NFKBID: variants seen among roughly 807,000 people sequenced by gnomAD.
NFKBID encodes NF-kappa-B inhibitor delta.
Under a neutral mutation model 53.4 loss-of-function variants are expected in NFKBID, and 26 were observed. The observed-to-expected ratio is 0.49, with a 90% confidence interval of 0.36 to 0.68. The LOEUF (loss-of-function observed/expected upper bound fraction) is 0.68. Among genes scored for constraint, NFKBID ranks in the 30% least tolerant of loss-of-function variants. The pLI is 0.00. For missense variants in NFKBID, 493 were observed against 614.1 expected (o/e 0.80, Z 2.08); for synonymous variants, 262 against 259.8 (o/e 1.01, Z -0.08).
chr19:35,897,606 A>G (rs1975270451), intron 4 of NFKBID, 45 bp downstream of exon 4: 1 of 1,000,428 alleles, frequency 1.0e-6, no homozygotes, highest in Non-Finnish European at 1.6e-6. Flanking sequence ...GCAACTGCGA[A>G]TTTTTAGGGG....
Position 35,890,505 on chromosome 19 carries a change from A to G in NFKBID, c.1033-15T>C. The G allele has an allele frequency of 1.3e-6, 2 of 1,577,504 alleles. No homozygotes were observed. The highest frequency in any genetic ancestry group is 2.2e-5 in the South Asian group (2 of 90,370). ...CTCTTGATCTCCTGAGGGGAAGGGA[A>G]TGGCAGAGGTCAGGGCCAGCCTCAC... On this transcript the variant is annotated splice_polypyrimidine_tract_variant and intron_variant, in intron 9 of 11. Transcript: ENST00000641389.
exon 4 of NFKBID, chr19:35,897,783 G>C: frequency 6.2e-7 from 1 of 1,605,780 alleles, no homozygotes; most frequent in Non-Finnish European, 8.5e-7. Context: ...GCGTGTTGGG[G>C]TCCCAGTCTG....
rs1347921732 is a variant in NFKBID at position 35,896,638 on chromosome 19, C to G, written c.684+88G>C. 2 of 1,525,442 alleles carry G rather than the reference C, an allele frequency of 1.3e-6. No homozygotes were observed. Among genetic ancestry groups the G allele is most frequent in the South Asian group, 1.1e-5 (1 of 87,998 alleles). The allele number at this position is 1,525,442 out of a possible 1,614,324, so 94.5% of individuals were successfully genotyped here. A position where few individuals can be genotyped will look rare whatever the true frequency, so the allele number is the denominator to read the frequency against. ...CCCCTCAGCCCCAGGAGCTCACCCC[C>G]CATTCCCCTCTTCTCTAGGATCCAG... is the stretch of plus-strand genomic sequence containing the variant. On this transcript the variant is annotated intron_variant, in intron 6 of 11. Coordinates refer to ENST00000641389, the Ensembl canonical transcript of NFKBID. This position sits in a 1 kb window ranked among gnomAD's most constrained non-coding sequence, Gnocchi z 5.7.
chr19:35,896,622 C>A lies in NFKBID; in HGVS notation c.685-84G>T. ...GCTCCCAGCCCCATCCCCCCTCAGC[C>A]CCAGGAGCTCACCCCCCATTCCCCT... On this transcript the variant is annotated intron_variant, in intron 6 of 11. Coordinates refer to ENST00000641389, the Ensembl canonical transcript of NFKBID. This position sits in a 1 kb window ranked among gnomAD's most constrained non-coding sequence, Gnocchi z 5.7. 1 of 1,538,190 alleles carries A rather than the reference C, an allele frequency of 6.5e-7. No homozygotes were observed. The highest frequency in any genetic ancestry group is 8.9e-7 in the Non-Finnish European group (1 of 1,119,484).
chr19:35,891,783 C>G (rs916645973), intron 9 of NFKBID, among the ~76,000 whole-genome samples: 12 of 152,048 alleles, frequency 7.9e-5, no homozygotes, highest in Non-Finnish European at 1.5e-5. Context: ...ACAGGAATAG[C>G]TTGAACCCGG....
intron 9 of NFKBID, among the ~76,000 whole-genome samples, chr19:35,893,681 G>A (rs969695682): frequency 3.3e-5 from 5 of 152,056 alleles, no homozygotes; most frequent in Non-Finnish European, 5.9e-5. Flanking sequence ...TTAGCCGGGC[G>A]TGGTGGCGGG....
chr19:35,901,555 C>CTGCT (rs1491506311), upstream of NFKBID: 2 of 152,630 alleles, frequency 1.3e-5, no homozygotes, highest in Non-Finnish European at 2.9e-5. Context: ...TATTTCTCCC[C>CTGCT]TGCTTGCTTG....
At chr19:35,892,812 C>A (rs1022281746) in intron 9 of NFKBID, among the ~76,000 whole-genome samples, 1 of 152,198 alleles carries the variant, frequency 6.6e-6, no homozygotes, top group South Asian at 2.1e-4. Flanking sequence ...TTATCATCTC[C>A]TCTCTTTTCC....
chr19:35,896,154 C>A lies in NFKBID; in HGVS notation c.884-26G>T. 6.2e-7 allele frequency: 1 copy of A among 1,613,932 alleles called. No homozygotes were observed. Among genetic ancestry groups the A allele is most frequent in the East Asian group, 2.2e-5 (1 of 44,884 alleles). The stretch of plus-strand genomic sequence containing the variant: ...CTGCAGAATGGAGACAGTGAGGGAC[C>A]CGCATCTGCACCCACCTCGCCCAGC... On this transcript the variant is annotated intron_variant, in intron 8 of 11. Coordinates refer to ENST00000641389, the Ensembl canonical transcript of NFKBID. This position sits in a 1 kb window ranked among gnomAD's most constrained non-coding sequence, Gnocchi z 5.7.
chr19:35,892,277 C>T (rs1974821757), intron 9 of NFKBID, among the ~76,000 whole-genome samples: 2 of 152,052 alleles, frequency 1.3e-5, no homozygotes, highest in African/African-American at 4.8e-5. Context: ...GTCTCGAATT[C>T]CTGAGCTCGA....
chr19:35,892,561 T>TAAA (rs1568487602), intron 9 of NFKBID, among the ~76,000 whole-genome samples: 7 of 147,674 alleles, frequency 4.7e-5, no homozygotes, highest in South Asian at 2.1e-4. Context: ...AAAAAAAAAT[T>TAAA]ATTTGTCCTT....
chr19:35,888,207 T>G, downstream of NFKBID: 2 of 259,942 alleles, frequency 7.7e-6, no homozygotes, highest in East Asian at 1.1e-4. Flanking sequence ...AAGCACCACG[T>G]AGGGGGATTA....
At chr19:35,901,686 C>T (rs1975571408), upstream of NFKBID, 2 of 152,020 alleles carry the variant, frequency 1.3e-5, no homozygotes, top group South Asian at 3.8e-4. Flanking sequence ...CTCCACTTGC[C>T]TCAGTCTCCC....
intron 9 of NFKBID, among the ~76,000 whole-genome samples, chr19:35,891,262 A>T (rs931316795): frequency 1.3e-5 from 2 of 152,236 alleles, no homozygotes; most frequent in African/African-American, 2.4e-5. Context: ...TTCTAAAATG[A>T]AACCTTTTTA....
intron 9 of NFKBID, among the ~76,000 whole-genome samples, chr19:35,893,862 G>A (rs988440399): frequency 4.6e-5 from 7 of 151,848 alleles, no homozygotes; most frequent in African/African-American, 7.3e-5. Flanking sequence ...AGTGGATGGG[G>A]CAGGACTGGC....
intron 2 of NFKBID, 74 bp from the exon 3 acceptor site, chr19:35,898,606 T>C: frequency 7.0e-7 from 1 of 1,426,180 alleles, no homozygotes; most frequent in Non-Finnish European, 9.5e-7. Context: ...CTCGGATCTA[T>C]AAGACATTTC....
chr19:35,898,005 G>A, intron 3 of NFKBID, 149 bp from the exon 4 acceptor site: 1 of 624,648 alleles, frequency 1.6e-6, no homozygotes, highest in Middle Eastern at 4.3e-4. Context: ...CTGGGACACT[G>A]AGGAATTGAG....
At chr19:35,899,907 T>G (rs960472670) in intron 1 of NFKBID, among the ~76,000 whole-genome samples, 1 of 151,730 alleles carries the variant, frequency 6.6e-6, no homozygotes, top group Non-Finnish European at 1.5e-5. Context: ...CGGCCGATCG[T>G]GGCGCTCGTG....
chr19:35,892,540 T>A (rs186968534), intron 9 of NFKBID, among the ~76,000 whole-genome samples: 1 of 144,364 alleles, frequency 6.9e-6, no homozygotes, highest in Admixed American at 6.9e-5. Flanking sequence ...CGAGACTCCA[T>A]CTCAAAAAAA....
Sources: allele counts gnomAD v4.1 joint callset (sites outside exome capture counted in the v4.1 genomes callset), GRCh38; gene constraint gnomAD v4.1.1; non-coding constraint Gnocchi (gnomAD v3.1); transcripts MANE v1.5; gene names NCBI Gene and HGNC (gene_info 2026-07-23, HGNC 2026-07-21).